Variants in TFEC observed in about 807,000 individuals in gnomAD.
The protein encoded by TFEC is transcription factor EC, also known as class E basic helix-loop-helix protein 34.
In TFEC, 31 loss-of-function variants were observed where a neutral mutation model predicts 41.6. The observed-to-expected ratio is 0.74, with a 90% CI of 0.56 to 1.01. TFEC has a LOEUF of 1.01. Among genes scored for constraint, TFEC ranks in the 50% least tolerant of loss-of-function variants. The pLI is 0.00. For synonymous variants in TFEC, 143 were observed against 140.6 expected (o/e 1.02, Z -0.12); for missense variants, 402 against 404.1 (o/e 0.99, Z 0.04).
chr7:115,947,723 G>A (rs1462068751), intron 6 of TFEC, among the ~76,000 whole-genome samples: 1 of 149,718 alleles, frequency 6.7e-6, no homozygotes, highest in African/African-American at 2.4e-5. Flanking sequence ...GTCTTCTTTT[G>A]AGAAGTGTCT....
At chr7:116,102,300 A>G (rs2115977541) in intron 3 of TFEC, among the ~76,000 whole-genome samples, 1 of 152,278 alleles carries the variant, frequency 6.6e-6, no homozygotes, top group East Asian at 1.9e-4. Flanking sequence ...TAGGAATTGG[A>G]CTTTTTCTGA....
At chr7:116,060,358 C>T (rs1437192022) in intron 3 of TFEC, among the ~76,000 whole-genome samples, 1 of 152,142 alleles carries the variant, frequency 6.6e-6, no homozygotes, top group Non-Finnish European at 1.5e-5. Context: ...AATCCCATTA[C>T]TGGATATATA....
chr7:115,963,392 G>GT (rs145007913), intron 3 of TFEC, among the ~76,000 whole-genome samples: 2,755 of 151,742 alleles, frequency 0.018, 91 homozygotes, highest in African/African-American at 0.063. Context: ...TCCTCAAAAG[G>GT]TAAGTATAGA....
intron 3 of TFEC, among the ~76,000 whole-genome samples, chr7:116,097,969 A>G (rs774271008): frequency 6.6e-6 from 1 of 152,196 alleles, no homozygotes; most frequent in Non-Finnish European, 1.5e-5. Context: ...CAATAAATAC[A>G]TAAACTGACA....
At chr7:115,984,207 T>C in intron 2 of TFEC, 55 bp downstream of exon 2, 4 of 1,586,334 alleles carry the variant, frequency 2.5e-6, no homozygotes, top group Middle Eastern at 1.7e-4. Context: ...ATTACTTTAA[T>C]AGAGGTTTTT....
At chr7:116,032,529 C>A (rs11761417), upstream of TFEC, among the ~76,000 whole-genome samples, 12,054 of 152,166 alleles carry the variant, frequency 0.079, 537 homozygotes, top group Middle Eastern at 0.099. Context: ...ATGTCCTTTG[C>A]AGGAACATGG....
At chr7:116,070,229 T>TA (rs1272985083) in intron 3 of TFEC, among the ~76,000 whole-genome samples, 1 of 151,382 alleles carries the variant, frequency 6.6e-6, no homozygotes, top group African/African-American at 2.4e-5. Flanking sequence ...CCTTGTTAAT[T>TA]ATTAATAAAA....
chr7:115,981,799 T>A (rs973764941), intron 2 of TFEC, among the ~76,000 whole-genome samples: 4 of 151,908 alleles, frequency 2.6e-5, no homozygotes, highest in African/African-American at 9.7e-5. Flanking sequence ...GCTAGAATTA[T>A]CCAGACAAAC....
chr7:116,119,184 A>T (rs1798056072), intron 1 of TFEC, among the ~76,000 whole-genome samples: 1 of 151,806 alleles, frequency 6.6e-6, no homozygotes, highest in Non-Finnish European at 1.5e-5. Flanking sequence ...CCAAATAGAG[A>T]AGCTGAAACT....
intron 3 of TFEC, among the ~76,000 whole-genome samples, chr7:116,054,774 ACCCTATTACT>A (rs1233381796): frequency 1.3e-5 from 2 of 152,064 alleles, no homozygotes; most frequent in African/African-American, 4.8e-5. Flanking sequence ...TCATCTGGCA[ACCCTATTACT>A]GGAACCAATA....
intron 1 of TFEC, among the ~76,000 whole-genome samples, chr7:115,994,648 A>T (rs1000318614): frequency 2.6e-5 from 4 of 152,232 alleles, no homozygotes; most frequent in African/African-American, 9.6e-5. Context: ...ATAATGAGAT[A>T]CCATCTCACA....
intron 7 of TFEC, 131 bp downstream of exon 7, chr7:115,941,762 C>A: frequency 1.6e-6 from 2 of 1,247,568 alleles, no homozygotes; most frequent in Non-Finnish European, 2.2e-6. Context: ...TTCTAAAAAG[C>A]AGTAAAATTA....
In TFEC at chr7:116,064,864, G is replaced by C. The variant is rs1796656960; in HGVS notation, c.198+45844C>G. 2.0e-5 allele frequency among the ~76,000 whole-genome samples: 3 copies of C among 152,166 alleles called. No homozygotes were observed. In the East Asian group the frequency reaches 5.8e-4, roughly 29 times the overall value. The stretch of plus-strand genomic sequence containing the variant: ...TGGCCACAGGTACCCCTGAAAATAA[G>C]ATGAGAACTGAAATGTTCATACTGA... On this transcript the variant is annotated intron_variant, in intron 3 of 8. Transcript: ENST00000484212.
At chr7:115,981,152 A>G (rs771537073) in intron 2 of TFEC, among the ~76,000 whole-genome samples, 10 of 151,884 alleles carry the variant, frequency 6.6e-5, no homozygotes, top group Non-Finnish European at 1.3e-4. Flanking sequence ...TTCTAACCTC[A>G]GTCACTTATT....
chr7:116,073,948 G>T (rs1188494914), intron 3 of TFEC, among the ~76,000 whole-genome samples: 1 of 151,790 alleles, frequency 6.6e-6, no homozygotes, highest in Non-Finnish European at 1.5e-5. Context: ...CAGCAAGGGT[G>T]CTCAGACAAT....
At chr7:115,989,029 G>A (rs1793984181) in intron 1 of TFEC, among the ~76,000 whole-genome samples, 1 of 152,142 alleles carries the variant, frequency 6.6e-6, no homozygotes, top group African/African-American at 2.4e-5. Flanking sequence ...AAAGGTAAAG[G>A]AGAAATAAAG....
chr7:116,148,360 C>A (rs991601649), intron 1 of TFEC, among the ~76,000 whole-genome samples: 3 of 152,046 alleles, frequency 2.0e-5, no homozygotes, highest in African/African-American at 4.8e-5. Flanking sequence ...AAGGGTGAGA[C>A]AAAAGGGAAA....
intron 1 of TFEC, among the ~76,000 whole-genome samples, chr7:115,992,003 T>A (rs1794139962): frequency 6.6e-6 from 1 of 152,134 alleles, no homozygotes; most frequent in African/African-American, 2.4e-5. Flanking sequence ...TATAACAAAC[T>A]GTCTCTCAGA....
chr7:116,117,820 T>G (rs1798024638), intron 1 of TFEC, among the ~76,000 whole-genome samples: 1 of 151,912 alleles, frequency 6.6e-6, no homozygotes, highest in African/African-American at 2.4e-5. Flanking sequence ...TTCTCAGCCC[T>G]GTGGGCTAGC....
Sources: allele counts gnomAD v4.1 joint callset (sites outside exome capture counted in the v4.1 genomes callset), GRCh38; gene constraint gnomAD v4.1.1; transcripts MANE v1.5; gene names NCBI Gene and HGNC (gene_info 2026-07-23, HGNC 2026-07-21).